Variants in KHDRBS2 observed in about 807,000 individuals in gnomAD.
KHDRBS2 encodes KH domain-containing, RNA-binding, signal transduction-associated protein 2.
In KHDRBS2, 26 loss-of-function variants were observed where a neutral mutation model predicts 44.3. The ratio of observed to expected loss-of-function variants is 0.59; its 90% confidence interval spans 0.43 to 0.81. The LOEUF is 0.81. KHDRBS2 is among the 40% of genes least tolerant of loss of function. The pLI is 0.00. For missense variants in KHDRBS2, 476 were observed against 433.1 expected, an observed-to-expected ratio of 1.10 and a Z score of -0.88; for synonymous variants, 194 against 151.1, an observed-to-expected ratio of 1.28 and a Z score of -2.08.
At chr6:62,159,093 G>A (rs1817069308) in intron 2 of KHDRBS2, among the ~76,000 whole-genome samples, 1 of 151,904 alleles carries the variant, frequency 6.6e-6, no homozygotes, top group African/African-American at 2.4e-5. Flanking sequence ...TTAAAATGAT[G>A]ACATGGAGGA....
At chr6:62,267,992 A>T (rs1348934300) in intron 1 of KHDRBS2, among the ~76,000 whole-genome samples, 1 of 152,134 alleles carries the variant, frequency 6.6e-6, no homozygotes, top group African/African-American at 2.4e-5. Flanking sequence ...ATCAACACAT[A>T]GCTTTTGAAG....
Position 62,225,529 on chromosome 6 carries a change from T to A in KHDRBS2, c.92-48217A>T, listed in dbSNP as rs73760328. ...TAAACTTAAAATTAATTTATATATT[T>A]TATTTTACTTTAAGTCCCAGGAGGA... On this transcript the variant is annotated intron_variant, in intron 1 of 8. Transcript: ENST00000281156. Among the ~76,000 whole-genome samples, 970 of 152,278 alleles carry A rather than the reference T, an allele frequency of 6.4e-3. 5 individuals are homozygous for A. Among genetic ancestry groups the A allele is most frequent in the African/African-American group, 0.022 (920 of 41,548 alleles).
the KHDRBS2 span, among the ~76,000 whole-genome samples, chr6:61,645,907 T>A: frequency 6.6e-6 from 1 of 152,152 alleles, no homozygotes; most frequent in Admixed American, 6.6e-5. Flanking sequence ...GAGGGTGGTA[T>A]GGCGGCATCA....
chr6:61,954,381 ATGCATACATATATACGTATGTATGC>A (rs1765524320), intron 4 of KHDRBS2, among the ~76,000 whole-genome samples: 5 of 76,080 alleles, frequency 6.6e-5, no homozygotes, highest in African/African-American at 2.5e-4. Flanking sequence ...GTATGTATGC[ATGCATACATATATACGTATGTATGC>A]ATGCATACAT....
the KHDRBS2 span, among the ~76,000 whole-genome samples, chr6:61,545,040 C>T: frequency 1.3e-5 from 2 of 151,868 alleles, no homozygotes; most frequent in Non-Finnish European, 2.9e-5. Context: ...TATAACAAAC[C>T]TGCACGTTGG....
intron 8 of KHDRBS2, among the ~76,000 whole-genome samples, chr6:61,695,886 A>G (rs1011003578): frequency 6.6e-6 from 1 of 152,040 alleles, no homozygotes; most frequent in Non-Finnish European, 1.5e-5. Flanking sequence ...ATGCAGCATC[A>G]TATGAAGCCC....
At chr6:61,588,563 G>C in the KHDRBS2 span, among the ~76,000 whole-genome samples, 1 of 152,210 alleles carries the variant, frequency 6.6e-6, no homozygotes, top group South Asian at 2.1e-4. Context: ...TGGGAGGGTT[G>C]TTTGAGACTG....
chr6:61,802,488 A>G (rs1562211930), intron 6 of KHDRBS2, among the ~76,000 whole-genome samples: 1 of 152,164 alleles, frequency 6.6e-6, no homozygotes, highest in African/African-American at 2.4e-5. Flanking sequence ...TGTGAAGATA[A>G]TGTTTTCATA....
intron 7 of KHDRBS2, among the ~76,000 whole-genome samples, chr6:61,722,387 C>A (rs1171411147): frequency 1.3e-5 from 2 of 152,230 alleles, no homozygotes; most frequent in African/African-American, 4.8e-5. Flanking sequence ...AGCTGCTGAA[C>A]TTCAGGTGAA....
At chr6:61,656,367 T>C in the KHDRBS2 span, among the ~76,000 whole-genome samples, 30,445 of 151,848 alleles carry the variant, frequency 0.2, 3,572 homozygotes, top group South Asian at 0.33. Context: ...GAAGTTCTCA[T>C]TTTAAGGATA....
At chr6:61,968,513 C>T (rs1246563733) in intron 4 of KHDRBS2, among the ~76,000 whole-genome samples, 2 of 151,940 alleles carry the variant, frequency 1.3e-5, no homozygotes, top group Non-Finnish European at 2.9e-5. Context: ...TAATGAGTAT[C>T]TAAGAATGTG....
At chr6:62,114,885 T>G (rs1584789944) in intron 2 of KHDRBS2, among the ~76,000 whole-genome samples, 1 of 151,852 alleles carries the variant, frequency 6.6e-6, no homozygotes. Flanking sequence ...TTTTAGAAAT[T>G]TATGTTAAAA....
At chr6:61,799,154 CA>C (rs1366768410) in intron 6 of KHDRBS2, among the ~76,000 whole-genome samples, 2 of 151,852 alleles carry the variant, frequency 1.3e-5, no homozygotes, top group African/African-American at 4.8e-5. Context: ...GTATCTGTTA[CA>C]AAACATTATG....
chr6:61,710,709 C>G (rs540867484), intron 7 of KHDRBS2, among the ~76,000 whole-genome samples: 1 of 150,682 alleles, frequency 6.6e-6, no homozygotes, highest in African/African-American at 2.4e-5. Flanking sequence ...TACCCACCCT[C>G]CTAGGCAAGA....
the KHDRBS2 span, among the ~76,000 whole-genome samples, chr6:61,571,790 C>T: frequency 6.6e-6 from 1 of 151,882 alleles, no homozygotes; most frequent in African/African-American, 2.4e-5. Flanking sequence ...CATGCAAAAC[C>T]TCTGGGAGAC....
chr6:61,647,801 T>G, the KHDRBS2 span, among the ~76,000 whole-genome samples: 1 of 152,172 alleles, frequency 6.6e-6, no homozygotes, highest in African/African-American at 2.4e-5. Context: ...CAGCTATTTA[T>G]TTTTGCTATG....
chr6:61,573,333 G>A, the KHDRBS2 span, among the ~76,000 whole-genome samples: 1 of 152,186 alleles, frequency 6.6e-6, no homozygotes, highest in South Asian at 2.1e-4. Flanking sequence ...ACAAACAAAT[G>A]GAAACACATT....
chr6:62,265,380 C>A (rs1326420081), intron 1 of KHDRBS2, among the ~76,000 whole-genome samples: 1 of 151,668 alleles, frequency 6.6e-6, no homozygotes, highest in Non-Finnish European at 1.5e-5. Context: ...CTTTGATAGG[C>A]AGAAATAACA....
intron 4 of KHDRBS2, among the ~76,000 whole-genome samples, chr6:61,906,470 G>A (rs189654751): frequency 5.3e-5 from 8 of 151,556 alleles, no homozygotes; most frequent in African/African-American, 1.9e-4. Flanking sequence ...ACTTCATTGT[G>A]CTACCAAATA....
Sources: allele counts gnomAD v4.1 joint callset (sites outside exome capture counted in the v4.1 genomes callset), GRCh38; gene constraint gnomAD v4.1.1; transcripts MANE v1.5; gene names NCBI Gene and HGNC (gene_info 2026-07-23, HGNC 2026-07-21).